ZEB2: variants seen among roughly 807,000 people sequenced by gnomAD.
The protein encoded by ZEB2 is zinc finger E-box binding homeobox 2.
In ZEB2, 6 loss-of-function variants were observed where a neutral mutation model predicts 99.9. The observed-to-expected ratio is 0.06, with a 90% CI of 0.03 to 0.12. ZEB2 has a LOEUF of 0.12. Among genes scored for constraint, ZEB2 ranks in the 10% least tolerant of loss-of-function variants. The pLI is 1.00. For synonymous variants in ZEB2, 517 were observed against 542.5 expected (o/e 0.95, Z 0.65); for missense variants, 969 against 1,502.8 (o/e 0.64, Z 5.87).
chr2:144,417,738 T>G (rs1402438337), intron 4 of ZEB2, among the ~76,000 whole-genome samples: 1 of 152,076 alleles, frequency 6.6e-6, no homozygotes, highest in African/African-American at 2.4e-5. Context: ...AAAACTACAG[T>G]TAGATAGGAG....
intron 3 of ZEB2, chr2:144,427,867 C>T (rs1432463344): frequency 6.6e-6 from 1 of 152,100 alleles, no homozygotes; most frequent in African/African-American, 2.4e-5. Flanking sequence ...TCACTTGTAT[C>T]ACAGGCACCA....
intron 6 of ZEB2, among the ~76,000 whole-genome samples, chr2:144,401,966 T>A (rs544853829): frequency 6.0e-4 from 92 of 152,342 alleles, no homozygotes; most frequent in African/African-American, 2.1e-3. Flanking sequence ...TCAGATTTGA[T>A]TCATTATCAA....
chr2:144,483,087 G>C (rs566675027), intron 2 of ZEB2, among the ~76,000 whole-genome samples: 3 of 150,868 alleles, frequency 2.0e-5, no homozygotes, highest in Admixed American at 1.3e-4. Flanking sequence ...GTTCATGACA[G>C]AGAGAGAGAA....
intron 2 of ZEB2, among the ~76,000 whole-genome samples, chr2:144,484,185 T>TTGTGTGTGTGTGTGTGTGTGTGTG (rs10529605): frequency 0.037 from 5,277 of 142,410 alleles, 152 homozygotes; most frequent in Non-Finnish European, 0.047. Flanking sequence ...AAATCTGGAT[T>TTGTGTGTGTGTGTGTGTGTGTGTG]TGTGTGTGTG....
At chr2:144,404,484 G>T (rs904925483) in intron 5 of ZEB2, among the ~76,000 whole-genome samples, 3 of 152,030 alleles carry the variant, frequency 2.0e-5, no homozygotes, top group Non-Finnish European at 4.4e-5. Flanking sequence ...GTGTGAAGGG[G>T]CGTTTCAGGT....
intron 2 of ZEB2, among the ~76,000 whole-genome samples, chr2:144,497,502 G>A (rs1261458506): frequency 6.6e-6 from 1 of 152,022 alleles, no homozygotes; most frequent in Non-Finnish European, 1.5e-5. Context: ...TGTACAATGA[G>A]AAAATTTTTC....
chr2:144,435,470 A>C (rs1163623497), intron 2 of ZEB2, among the ~76,000 whole-genome samples: 1 of 151,942 alleles, frequency 6.6e-6, no homozygotes. Flanking sequence ...ATGGTGTTGC[A>C]TGCCAATAGT....
chr2:144,442,164 C>T (rs922242371), intron 2 of ZEB2, among the ~76,000 whole-genome samples: 1 of 152,136 alleles, frequency 6.6e-6, no homozygotes, highest in African/African-American at 2.4e-5. Context: ...GGTATTCATA[C>T]ATGACTATAA....
Position 144,403,910 on chromosome 2 carries a change from C to A in ZEB2, c.807+6G>T. On this transcript the variant is annotated splice_donor_region_variant and intron_variant, in intron 6 of 9. Transcript: ENST00000627532. ...AGAAAGAAATCACTTAAAACCATCC[C>A]CCCACCTGATCTGTCCCTGGCTTGT... 1 of 1,614,106 alleles carries A rather than the reference C, an allele frequency of 6.2e-7. No individual in the cohort carries two copies. Among genetic ancestry groups the A allele is most frequent in the South Asian group, 1.1e-5 (1 of 91,078 alleles).
intron 2 of ZEB2, among the ~76,000 whole-genome samples, chr2:144,479,239 G>C (rs953911238): frequency 1.3e-5 from 2 of 152,168 alleles, no homozygotes; most frequent in Non-Finnish European, 2.9e-5. Flanking sequence ...TTGAACTTGT[G>C]AGTATTTGAG....
chr2:144,461,737 G>A (rs1007928524), intron 2 of ZEB2: 1 of 152,080 alleles, frequency 6.6e-6, no homozygotes, highest in Non-Finnish European at 1.5e-5. Flanking sequence ...CTCCACCAAG[G>A]TTTAAAAAAT....
intron 4 of ZEB2, among the ~76,000 whole-genome samples, chr2:144,412,958 G>A (rs1703485718): frequency 6.6e-6 from 1 of 152,128 alleles, no homozygotes; most frequent in African/African-American, 2.4e-5. Flanking sequence ...TGAATGATTA[G>A]GCAAGGTTCA....
At chr2:144,513,783 T>C (rs1178662050) in intron 2 of ZEB2, 2 of 1,536,044 alleles carry the variant, frequency 1.3e-6, no homozygotes, top group Non-Finnish European at 1.7e-6. Flanking sequence ...CGAGTGCTCA[T>C]TTCTGACTCC....
At chr2:144,422,597 C>G (rs139062254) in intron 4 of ZEB2, among the ~76,000 whole-genome samples, 1 of 152,240 alleles carries the variant, frequency 6.6e-6, no homozygotes, top group East Asian at 1.9e-4. Context: ...GTCATGAGTT[C>G]GAGACCAGCC....
chr2:144,397,967 G>T, intron 8 of ZEB2: 1 of 358,800 alleles, frequency 2.8e-6, no homozygotes, highest in South Asian at 2.2e-5. Context: ...AGCACGTGAC[G>T]GTTATAAACT....
At chr2:144,487,599 T>C (rs890763801) in intron 2 of ZEB2, among the ~76,000 whole-genome samples, 9 of 152,232 alleles carry the variant, frequency 5.9e-5, no homozygotes, top group Admixed American at 2.6e-4. Context: ...TACAATTATA[T>C]AGAAAGCAAT....
intron 2 of ZEB2, chr2:144,504,759 C>T (rs1417860035): frequency 6.6e-6 from 1 of 152,216 alleles, no homozygotes; most frequent in Non-Finnish European, 1.5e-5. Flanking sequence ...GTCCTAATTG[C>T]AGATGCGAAA....
chr2:144,494,522 A>C (rs1704733396), intron 2 of ZEB2: 1 of 152,228 alleles, frequency 6.6e-6, no homozygotes, highest in Admixed American at 6.5e-5. Flanking sequence ...ACACATCTCT[A>C]AGTTCATTTC....
chr2:144,510,755 CAGAATGCAAATGG>C (rs1383501039), intron 2 of ZEB2, among the ~76,000 whole-genome samples: 7 of 151,676 alleles, frequency 4.6e-5, no homozygotes, highest in Admixed American at 4.6e-4. Flanking sequence ...CTTTCTGTGG[CAGAATGCAAATGG>C]AGCCTGCCGG....
Sources: gnomAD v4.1 joint callset for allele counts (sites outside exome capture counted in the v4.1 genomes callset) on GRCh38, gnomAD v4.1.1 for gene constraint, MANE v1.5 for transcripts, NCBI Gene and HGNC (gene_info 2026-07-23, HGNC 2026-07-21) for gene names.